The following PIWIL2 variants were observed in gnomAD, a reference collection of about 807,000 sequenced individuals.
PIWIL2 encodes the protein piwi like RNA-mediated gene silencing 2.
PIWIL2 carries 81 observed loss-of-function variants against 116.5 expected under a neutral mutation model. That is an observed-to-expected ratio of 0.70 (90% CI 0.58 to 0.84). PIWIL2 has a LOEUF of 0.84. PIWIL2 is among the 40% of genes least tolerant of loss of function. PIWIL2 has a pLI of 0.00. For missense variants in PIWIL2, 1,272 were observed against 1,212.3 expected (o/e 1.05, Z -0.73); for synonymous variants, 489 against 429.5 (o/e 1.14, Z -1.71).
intron 3 of PIWIL2, 28 bp from the exon 4 acceptor site, chr8:22,281,349 A>G (rs894876027): frequency 1.9e-6 from 3 of 1,597,826 alleles, no homozygotes; most frequent in Admixed American, 1.8e-5. Flanking sequence ...AGTCATAGTC[A>G]TTGCTGGGGT....
intron 15 of PIWIL2, 130 bp from the exon 16 acceptor site, chr8:22,310,982 A>G (rs1370249234): frequency 1.6e-5 from 12 of 752,116 alleles, no homozygotes; most frequent in Non-Finnish European, 2.6e-5. Flanking sequence ...TCATGTTAAT[A>G]CAGGAGTTAG....
At chr8:22,350,238 A>AAACTT (rs1832324072) in intron 20 of PIWIL2, among the ~76,000 whole-genome samples, 2 of 152,156 alleles carry the variant, frequency 1.3e-5, no homozygotes, top group South Asian at 2.1e-4. Context: ...GGGCAGGAGG[A>AAACTT]AACTCAAGTG....
At chr8:22,275,907 C>G (rs1384605672) in intron 1 of PIWIL2, 1 of 152,272 alleles carries the variant, frequency 6.6e-6, no homozygotes, top group African/African-American at 2.4e-5. Flanking sequence ...GAAACCCACA[C>G]TGGGAGAGGG....
chr8:22,305,894 G>A lies in PIWIL2; in HGVS notation c.1456-33G>A, dbSNP rs748181202. The A allele has an allele frequency of 5.9e-6, 9 of 1,516,392 alleles. No individual in the cohort carries two copies. In the Middle Eastern group the frequency reaches 5.1e-4, roughly 86 times the overall value. The allele number at this position is 1,516,392 out of a possible 1,614,324, so 93.9% of individuals were successfully genotyped here. A position where few individuals can be genotyped will look rare whatever the true frequency, so the allele number is the denominator to read the frequency against. ...GTCGGGAACATGAGCCTCTTGTACT[G>A]CCTTATTTTCCCTCTTCGTTCTCTC... On this transcript the variant is annotated intron_variant, in intron 12 of 22. Coordinates refer to ENST00000356766, the MANE Select transcript of PIWIL2 (RefSeq NM_018068.5).
chr8:22,314,931 T>G, intron 17 of PIWIL2, 98 bp from the exon 18 acceptor site: 1 of 714,470 alleles, frequency 1.4e-6, no homozygotes, highest in Non-Finnish European at 2.5e-6. Flanking sequence ...CTAACTTGAG[T>G]TTCTTAAACA....
Position 22,304,110 on chromosome 8 carries a change from A to G in PIWIL2, c.1271A>G (p.Asn424Ser), listed in dbSNP as rs748067323. ...AATATTGTTATCACCCGATATAACA[A>G]TCGTACCTATCGTATTGATGATGTG... ...VGNIVITRYN[N>S]RTYRIDDVDW... is the part of the protein sequence containing the mutation. The change falls in exon 11 of 23, where the codon AAT (asparagine) becomes AGT (serine). Residue 424 changes from asparagine to serine, a missense_variant. By Grantham distance (46) the Asn-to-Ser change is conservative. Coordinates refer to ENST00000356766, the MANE Select transcript of PIWIL2 (RefSeq NM_018068.5). The G allele has an allele frequency of 8.1e-6, 13 of 1,611,680 alleles. No homozygotes were observed. The highest frequency in any genetic ancestry group is 2.2e-5 in the East Asian group (1 of 44,876).
At chr8:22,281,545 T>A (rs754950075) in intron 4 of PIWIL2, 30 bp downstream of exon 4, 30 of 1,528,132 alleles carry the variant, frequency 2.0e-5, no homozygotes, top group Non-Finnish European at 2.5e-5. Context: ...CAGGTAACTA[T>A]CAAATTCAGA....
Position 22,279,376 on chromosome 8 carries a change from A to G in PIWIL2, c.-11A>G, listed in dbSNP as rs752245151. 3.1e-5 allele frequency: 50 copies of G among 1,611,644 alleles called. 1 individual carries two copies. Among genetic ancestry groups the G allele is most frequent in the Non-Finnish European group, 3.9e-5 (46 of 1,177,858 alleles). On this transcript the variant is annotated 5_prime_UTR_variant, in exon 2 of 23. Transcript: ENST00000356766. ...AGAACAGGATCGACACGTGTTCTCT[A>G]CAGCCCGTCCATGGATCCTTTCCGA... is the stretch of plus-strand genomic sequence containing the variant.
intron 16 of PIWIL2, among the ~76,000 whole-genome samples, chr8:22,313,472 T>G (rs1419929209): frequency 1.3e-5 from 2 of 152,194 alleles, no homozygotes; most frequent in East Asian, 1.9e-4. Flanking sequence ...TTTAAGTCAT[T>G]GTAGGGCCTG....
intron 20 of PIWIL2, among the ~76,000 whole-genome samples, chr8:22,341,586 A>T (rs1001537092): frequency 1.6e-5 from 2 of 127,346 alleles, no homozygotes; most frequent in African/African-American, 5.4e-5. Context: ...CAACAGCGAA[A>T]CTCCGTCTCA....
At chr8:22,338,371 G>A (rs1210846800) in intron 20 of PIWIL2, among the ~76,000 whole-genome samples, 1 of 152,156 alleles carries the variant, frequency 6.6e-6, no homozygotes, top group Non-Finnish European at 1.5e-5. Context: ...CTGTGTGCTA[G>A]CAATGAACAA....
intron 18 of PIWIL2, 42 bp downstream of exon 18, chr8:22,315,187 T>C (rs757092932): frequency 9.1e-7 from 1 of 1,103,698 alleles, no homozygotes; most frequent in Non-Finnish European, 1.4e-6. Flanking sequence ...CTCCAGAGAA[T>C]CCTCCAAGCT....
intron 19 of PIWIL2, among the ~76,000 whole-genome samples, chr8:22,317,136 G>A (rs908958227): frequency 1.1e-4 from 16 of 152,148 alleles, no homozygotes; most frequent in African/African-American, 3.1e-4. Flanking sequence ...GCTGAAGAGC[G>A]ACCTCCTCCA....
chr8:22,283,464 A>G (rs536010301), intron 5 of PIWIL2, among the ~76,000 whole-genome samples: 2 of 152,350 alleles, frequency 1.3e-5, no homozygotes, highest in Non-Finnish European at 2.9e-5. Context: ...GCTGCAGTGC[A>G]GTGGTGCAAT....
Position 22,318,184 on chromosome 8 carries a change from G to C in PIWIL2, c.2312G>C (p.Trp771Ser). 6.2e-7 allele frequency: 1 copy of C among 1,611,090 alleles called. No individual in the cohort carries two copies. The highest frequency in any genetic ancestry group is 2.2e-5 in the East Asian group (1 of 44,868). ...CCTGACCCTAGCACCCTCACAAAAT[G>C]GTATTCCCGGGTGGTGTTCCAGATG... ...VASINLTLTKWYSRVVFQMPH... is the reference protein window; with the variant it reads ...VASINLTLTKSYSRVVFQMPH... Residue 771 changes from tryptophan to serine, a missense_variant, in exon 20 of 23, where the codon TGG becomes TCG. Trp to Ser is a radical substitution (Grantham distance 177). Coordinates refer to ENST00000356766, the MANE Select transcript of PIWIL2 (RefSeq NM_018068.5).
At chr8:22,281,777 T>TG (rs2131981434) in intron 4 of PIWIL2, among the ~76,000 whole-genome samples, 1 of 150,304 alleles carries the variant, frequency 6.7e-6, no homozygotes, top group African/African-American at 2.4e-5. Context: ...ATTTTTTTTT[T>TG]TTTTTTTTTT....
chr8:22,340,268 G>T (rs1832078483), intron 20 of PIWIL2, among the ~76,000 whole-genome samples: 1 of 152,014 alleles, frequency 6.6e-6, no homozygotes, highest in South Asian at 2.1e-4. Context: ...TGATGGTCAG[G>T]CTGGTCTTGA....
rs533953109 is a variant in PIWIL2, at chr8:22,349,375, G to A, written c.2404-3584G>A. On this transcript the variant is annotated intron_variant, in intron 20 of 22. Transcript: ENST00000356766. ...TGCTTCGGAATATCTGTATATCCTTGATCTAGCTCGGTCTCAACTTTTGTG... is the reference window on the plus strand; with the variant it reads ...TGCTTCGGAATATCTGTATATCCTTAATCTAGCTCGGTCTCAACTTTTGTG... Among the ~76,000 whole-genome samples the A allele has an allele frequency of 1.7e-4, 24 of 145,256 alleles. 1 individual carries two copies. The highest frequency in any genetic ancestry group is 6.0e-4 in the African/African-American group (24 of 39,854).
intron 5 of PIWIL2, 123 bp downstream of exon 5, chr8:22,283,363 T>G: frequency 1.4e-6 from 1 of 717,600 alleles, no homozygotes; most frequent in Non-Finnish European, 2.4e-6. Context: ...TACTGCGGGG[T>G]GTTTTGTTTT....
Sources: allele counts gnomAD v4.1 joint callset (sites outside exome capture counted in the v4.1 genomes callset), GRCh38; gene constraint gnomAD v4.1.1; transcripts MANE v1.5; gene names NCBI Gene and HGNC (gene_info 2026-07-23, HGNC 2026-07-21).